The following NOX4 variants were observed in gnomAD, a reference collection of about 807,000 sequenced individuals.
The protein encoded by NOX4 is kidney oxidase-1.
A neutral mutation model predicts 87.6 loss-of-function variants in NOX4; 69 were observed. That is an observed-to-expected ratio of 0.79 (90% CI 0.65 to 0.96). The LOEUF (loss-of-function observed/expected upper bound fraction) is 0.96. Ranked by LOEUF, NOX4 falls within the 40% of genes least tolerant of loss-of-function variation. The probability of loss-of-function intolerance (pLI) is 0.00; values close to 1 mark genes in which losing one functional copy is unlikely to be tolerated. For missense variants in NOX4, 680 were observed against 681.5 expected, an observed-to-expected ratio of 1.00 and a Z score of 0.02; for synonymous variants, 275 against 238.2, an observed-to-expected ratio of 1.15 and a Z score of -1.42.
the NOX4 span, among the ~76,000 whole-genome samples, chr11:89,510,911 CAG>C: frequency 2.2e-4 from 34 of 152,140 alleles, no homozygotes; most frequent in African/African-American, 8.2e-4. Flanking sequence ...ACATCCTCCT[CAG>C]TATCTAAGGA....
chr11:89,421,087 A>T (rs1943060051), intron 8 of NOX4, among the ~76,000 whole-genome samples: 1 of 152,150 alleles, frequency 6.6e-6, no homozygotes, highest in African/African-American at 2.4e-5. Flanking sequence ...GAGCAAATAT[A>T]GGGATTTCTA....
At chr11:89,357,766 C>T (rs1938181398) in intron 12 of NOX4, among the ~76,000 whole-genome samples, 1 of 152,128 alleles carries the variant, frequency 6.6e-6, no homozygotes, top group Admixed American at 6.6e-5. Flanking sequence ...ATTCTTAATG[C>T]ACACAACTAT....
At chr11:89,552,436 C>T in the NOX4 span, among the ~76,000 whole-genome samples, 2 of 152,150 alleles carry the variant, frequency 1.3e-5, no homozygotes, top group Admixed American at 1.3e-4. Flanking sequence ...CTTTCTGTCT[C>T]TTTTCATCTC....
intron 8 of NOX4, among the ~76,000 whole-genome samples, chr11:89,419,004 T>C (rs1469652480): frequency 2.6e-5 from 4 of 152,100 alleles, no homozygotes; most frequent in Non-Finnish European, 5.9e-5. Flanking sequence ...GATAATTCTC[T>C]GAATTGCTAG....
At chr11:89,562,345 C>T in the NOX4 span, among the ~76,000 whole-genome samples, 1 of 151,966 alleles carries the variant, frequency 6.6e-6, no homozygotes, top group Non-Finnish European at 1.5e-5. Context: ...GCCTAAATTC[C>T]CTGGAAGCTT....
upstream of NOX4, among the ~76,000 whole-genome samples, chr11:89,502,511 C>T (rs1263976343): frequency 6.6e-6 from 1 of 151,968 alleles, no homozygotes; most frequent in Non-Finnish European, 1.5e-5. Context: ...CAATAAGAAA[C>T]TGGATTGCTA....
chr11:89,588,602 T>C, the NOX4 span, among the ~76,000 whole-genome samples: 1 of 152,314 alleles, frequency 6.6e-6, no homozygotes. Context: ...CCTGGGTGTA[T>C]GCTGCAGGCC....
intron 2 of NOX4, among the ~76,000 whole-genome samples, chr11:89,467,350 A>AC (rs1945746306): frequency 2.7e-5 from 1 of 36,720 alleles, no homozygotes; most frequent in Non-Finnish European, 5.3e-5. Flanking sequence ...AACTCGTCAC[A>AC]AAAAAAAAAA....
chr11:89,396,202 C>T (rs1941471336), intron 11 of NOX4, among the ~76,000 whole-genome samples: 1 of 152,040 alleles, frequency 6.6e-6, no homozygotes, highest in Non-Finnish European at 1.5e-5. Flanking sequence ...TGTAGTTCTC[C>T]TTGAAGAGGT....
At chr11:89,327,573 T>G (rs1370658964) in intron 17 of NOX4, among the ~76,000 whole-genome samples, 1 of 152,134 alleles carries the variant, frequency 6.6e-6, no homozygotes, top group Non-Finnish European at 1.5e-5. Flanking sequence ...TCCCAGGAAA[T>G]AAATAATATT....
chr11:89,377,850 T>C (rs920666797), intron 11 of NOX4, among the ~76,000 whole-genome samples: 26 of 152,216 alleles, frequency 1.7e-4, no homozygotes, highest in African/African-American at 5.5e-4. Context: ...GTTCTTAGTT[T>C]CATATTTTCT....
At chr11:89,493,928 T>C (rs1338366310), upstream of NOX4, among the ~76,000 whole-genome samples, 1 of 151,998 alleles carries the variant, frequency 6.6e-6, no homozygotes, top group Non-Finnish European at 1.5e-5. Flanking sequence ...CTAATTTGTG[T>C]ATTTTTAGTA....
At chr11:89,524,368 C>T in the NOX4 span, among the ~76,000 whole-genome samples, 15 of 152,210 alleles carry the variant, frequency 9.9e-5, no homozygotes, top group African/African-American at 3.6e-4. Context: ...GAAAAAGGAA[C>T]TAACAAGTAC....
intron 11 of NOX4, among the ~76,000 whole-genome samples, chr11:89,394,481 G>T (rs988879594): frequency 6.6e-6 from 1 of 151,778 alleles, no homozygotes; most frequent in Non-Finnish European, 1.5e-5. Context: ...CCAACACAAG[G>T]GAAGGTTAAT....
intron 2 of NOX4, among the ~76,000 whole-genome samples, chr11:89,487,123 C>T (rs906990556): frequency 3.3e-5 from 5 of 151,994 alleles, no homozygotes; most frequent in African/African-American, 4.8e-5. Context: ...AGAAAAGCTA[C>T]GTAGTATGAT....
chr11:89,511,559 A>G, the NOX4 span, among the ~76,000 whole-genome samples: 1 of 152,106 alleles, frequency 6.6e-6, no homozygotes, highest in Middle Eastern at 3.4e-3. Flanking sequence ...TGGACCGTCT[A>G]ATTGCTAACA....
chr11:89,334,119 A>C (rs531184658), intron 17 of NOX4, among the ~76,000 whole-genome samples: 3 of 151,856 alleles, frequency 2.0e-5, no homozygotes, highest in Non-Finnish European at 1.5e-5. Context: ...AAGAACTATC[A>C]GTTTTCAGCA....
intron 8 of NOX4, among the ~76,000 whole-genome samples, chr11:89,419,506 G>GA (rs1254797074): frequency 2.6e-5 from 4 of 151,594 alleles, no homozygotes; most frequent in East Asian, 1.9e-4. Context: ...AAATTTCCTG[G>GA]AAAAAATGTG....
chr11:89,482,656 T>C (rs1196503011), intron 2 of NOX4, among the ~76,000 whole-genome samples: 2 of 152,094 alleles, frequency 1.3e-5, no homozygotes, highest in Non-Finnish European at 2.9e-5. Flanking sequence ...TGGTACTTTG[T>C]TATGGCAGCC....
Sources: allele counts gnomAD v4.1 joint callset (sites outside exome capture counted in the v4.1 genomes callset), GRCh38; gene constraint gnomAD v4.1.1; transcripts MANE v1.5; gene names NCBI Gene and HGNC (gene_info 2026-07-23, HGNC 2026-07-21).